Variants in EYS observed in about 807,000 individuals in gnomAD.
EYS encodes protein eyes shut homolog.
EYS carries 250 observed loss-of-function variants against 282.1 expected under a neutral mutation model. That is an observed-to-expected ratio of 0.89 (90% CI 0.80 to 0.98). EYS has a LOEUF of 0.98. EYS is among the 50% of genes least tolerant of loss of function. The probability of loss-of-function intolerance (pLI) is 0.00; values close to 1 mark genes in which losing one functional copy is unlikely to be tolerated. For synonymous variants in EYS, 1,355 were observed against 1,282.9 expected (o/e 1.06, Z -1.20); for missense variants, 4,016 against 3,709.0 (o/e 1.08, Z -2.15).
chr6:65,342,640 G>A (rs1057246360), intron 10 of EYS, among the ~76,000 whole-genome samples: 2 of 150,480 alleles, frequency 1.3e-5, no homozygotes, highest in African/African-American at 4.8e-5. Context: ...TGTCCTTATA[G>A]AATGGAAATA....
At chr6:64,587,636 T>C (rs1440123676) in intron 26 of EYS, among the ~76,000 whole-genome samples, 1 of 152,078 alleles carries the variant, frequency 6.6e-6, no homozygotes. Flanking sequence ...ACAGAAATCA[T>C]ATTTATGTAA....
intron 26 of EYS, among the ~76,000 whole-genome samples, chr6:64,452,148 A>G (rs1458831836): frequency 1.3e-5 from 2 of 152,168 alleles, no homozygotes; most frequent in African/African-American, 4.8e-5. Flanking sequence ...CTGATAAGCA[A>G]CTTCAGCAAA....
At chr6:65,081,823 C>G (rs374916198) in intron 12 of EYS, among the ~76,000 whole-genome samples, 1 of 151,916 alleles carries the variant, frequency 6.6e-6, no homozygotes, top group African/African-American at 2.4e-5. Context: ...TGCTGAAAAC[C>G]CTTTACTTCA....
At chr6:65,281,297 A>G (rs1056158864) in intron 12 of EYS, among the ~76,000 whole-genome samples, 1 of 151,958 alleles carries the variant, frequency 6.6e-6, no homozygotes, top group Non-Finnish European at 1.5e-5. Context: ...AACTAGCAAA[A>G]TTAAAGATAA....
intron 29 of EYS, among the ~76,000 whole-genome samples, chr6:64,354,255 A>G (rs1332713723): frequency 6.6e-6 from 1 of 151,640 alleles, no homozygotes; most frequent in African/African-American, 2.4e-5. Flanking sequence ...ACACAATCTT[A>G]ATTTTTTGTT....
intron 7 of EYS, among the ~76,000 whole-genome samples, chr6:65,386,594 G>A (rs993487996): frequency 6.6e-6 from 1 of 151,834 alleles, no homozygotes; most frequent in Non-Finnish European, 1.5e-5. Context: ...TGACATTTAA[G>A]AATGTAAAAC....
chr6:63,944,680 G>C (rs1337713962), intron 35 of EYS, among the ~76,000 whole-genome samples: 2 of 152,098 alleles, frequency 1.3e-5, no homozygotes, highest in Admixed American at 6.6e-5. Flanking sequence ...TGTAATCCTA[G>C]CACTTTGGGA....
intron 35 of EYS, among the ~76,000 whole-genome samples, chr6:63,904,599 GT>G (rs1207596588): frequency 1.3e-5 from 2 of 152,148 alleles, no homozygotes. Flanking sequence ...AGATGAGCAA[GT>G]ATTAACTGGG....
At chr6:64,041,585 A>T (rs1301195377) in intron 33 of EYS, among the ~76,000 whole-genome samples, 1 of 152,190 alleles carries the variant, frequency 6.6e-6, no homozygotes, top group Non-Finnish European at 1.5e-5. Flanking sequence ...AAAAATGATA[A>T]AGCAATAAAT....
chr6:65,334,277 C>T (rs1426329350), intron 11 of EYS, among the ~76,000 whole-genome samples: 5 of 151,230 alleles, frequency 3.3e-5, no homozygotes, highest in African/African-American at 1.2e-4. Flanking sequence ...TATTTATTTT[C>T]TCATGATAGG....
At chr6:63,794,998 G>C (rs1352045233) in intron 37 of EYS, among the ~76,000 whole-genome samples, 2 of 152,168 alleles carry the variant, frequency 1.3e-5, no homozygotes, top group Admixed American at 1.3e-4. Flanking sequence ...GAAACAATAG[G>C]AAGTGACTCT....
At chr6:65,513,470 G>T (rs183609438) in intron 2 of EYS, among the ~76,000 whole-genome samples, 19 of 152,098 alleles carry the variant, frequency 1.2e-4, no homozygotes, top group African/African-American at 4.3e-4. Flanking sequence ...TACCAAAGCT[G>T]GGCAGAGACA....
intron 11 of EYS, among the ~76,000 whole-genome samples, chr6:65,298,216 T>A (rs1460462130): frequency 6.6e-6 from 1 of 152,082 alleles, no homozygotes; most frequent in Non-Finnish European, 1.5e-5. Flanking sequence ...GCATTGAGAA[T>A]ATTTTTGAAA....
At chr6:64,260,123 T>C (rs1156574523) in intron 30 of EYS, among the ~76,000 whole-genome samples, 1 of 138,118 alleles carries the variant, frequency 7.2e-6, no homozygotes, top group East Asian at 2.0e-4. Flanking sequence ...AAGTGTTCTT[T>C]AATGGGGCGG....
chr6:64,302,781 G>T (rs1769281815), intron 30 of EYS, among the ~76,000 whole-genome samples: 1 of 152,036 alleles, frequency 6.6e-6, no homozygotes, highest in Non-Finnish European at 1.5e-5. Context: ...AATCAGCAAT[G>T]GAAAAGCACT....
At chr6:65,148,124 A>G (rs975611074) in intron 12 of EYS, among the ~76,000 whole-genome samples, 2 of 152,052 alleles carry the variant, frequency 1.3e-5, no homozygotes, top group Non-Finnish European at 2.9e-5. Context: ...ATGTTCTCAC[A>G]TTTCAAAACA....
chr6:64,036,714 A>T (rs895843785), intron 33 of EYS, among the ~76,000 whole-genome samples: 1 of 152,198 alleles, frequency 6.6e-6, no homozygotes, highest in African/African-American at 2.4e-5. Flanking sequence ...TATGATAAAG[A>T]AGGAGGCTAA....
At chr6:65,360,373 TA>T (rs1272162253) in intron 8 of EYS, among the ~76,000 whole-genome samples, 2 of 151,880 alleles carry the variant, frequency 1.3e-5, no homozygotes, top group African/African-American at 2.4e-5. Flanking sequence ...ATTATTTAAA[TA>T]AAAAAATTAG....
intron 35 of EYS, among the ~76,000 whole-genome samples, chr6:63,925,486 C>T (rs1764689612): frequency 6.6e-6 from 1 of 152,142 alleles, no homozygotes; most frequent in Non-Finnish European, 1.5e-5. Context: ...TATTTAATTA[C>T]TTTCACGTAT....
Sources: gnomAD v4.1 joint callset for allele counts (sites outside exome capture counted in the v4.1 genomes callset) on GRCh38, gnomAD v4.1.1 for gene constraint, MANE v1.5 for transcripts, NCBI Gene and HGNC (gene_info 2026-07-23, HGNC 2026-07-21) for gene names.